The following FHOD3 variants were observed in gnomAD, a reference collection of about 807,000 sequenced individuals.
The protein encoded by FHOD3 is formin homology 2 domain containing 3, also known as FH1/FH2 domain-containing protein 3.
Under a neutral mutation model 173.0 loss-of-function variants are expected in FHOD3, and 90 were observed. The ratio of observed to expected loss-of-function variants is 0.52; its 90% CI spans 0.44 to 0.62. FHOD3 has a LOEUF of 0.62. FHOD3 is among the 20% of genes least tolerant of loss of function. FHOD3 has a pLI of 0.00. For missense variants in FHOD3, 1,945 were observed against 2,034.7 expected (o/e 0.96, Z 0.85); for synonymous variants, 828 against 823.0 (o/e 1.01, Z -0.10).
At chr18:36,352,728 T>C (rs2046190507) in intron 1 of FHOD3, among the ~76,000 whole-genome samples, 1 of 152,234 alleles carries the variant, frequency 6.6e-6, no homozygotes, top group Non-Finnish European at 1.5e-5. Flanking sequence ...GAAAAGGACA[T>C]TGTGATGGCT....
intron 5 of FHOD3, among the ~76,000 whole-genome samples, chr18:36,525,227 G>C (rs536937109): frequency 1.3e-5 from 2 of 152,276 alleles, no homozygotes; most frequent in African/African-American, 4.8e-5. Context: ...CAGTCAGAGG[G>C]GAGATTATTC....
intron 3 of FHOD3, among the ~76,000 whole-genome samples, chr18:36,425,837 ATACT>A (rs2147155088): frequency 6.6e-6 from 1 of 152,130 alleles, no homozygotes; most frequent in East Asian, 1.9e-4. Context: ...ACATAGACAC[ATACT>A]TATATGCATG....
intron 3 of FHOD3, among the ~76,000 whole-genome samples, chr18:36,392,299 C>T (rs907775779): frequency 3.9e-5 from 6 of 152,186 alleles, no homozygotes; most frequent in African/African-American, 1.4e-4. Flanking sequence ...CAATGCATAA[C>T]ACATGATGGG....
chr18:36,667,672 C>A lies in FHOD3; in HGVS notation c.1835+9484C>A, dbSNP rs112807213. Reference sequence around the variant, plus strand: ...ATGGTACATCTATGTGGGGTACTCACCATGAATGGAGCTTACAGAATTGAA... The same window carrying A: ...ATGGTACATCTATGTGGGGTACTCAACATGAATGGAGCTTACAGAATTGAA... On this transcript the variant is annotated intron_variant, in intron 14 of 28. Transcript: ENST00000590592. Among the ~76,000 whole-genome samples, 743 of 152,222 alleles carry A rather than the reference C, an allele frequency of 4.9e-3. 9 individuals carry two copies. The highest frequency in any genetic ancestry group is 0.017 in the African/African-American group (706 of 41,534).
intron 23 of FHOD3, 111 bp downstream of exon 23, chr18:36,744,304 C>G: frequency 9.9e-7 from 1 of 1,008,610 alleles, no homozygotes; most frequent in Non-Finnish European, 1.4e-6. Flanking sequence ...CAAGTGCTGC[C>G]TGCATTCTCT....
chr18:36,604,213 C>T (rs1442571688), intron 8 of FHOD3, among the ~76,000 whole-genome samples: 3 of 152,198 alleles, frequency 2.0e-5, no homozygotes, highest in African/African-American at 4.8e-5. Flanking sequence ...CTTGTACTCT[C>T]CTTACACGCT....
At chr18:36,623,043 C>G (rs982314000) in intron 9 of FHOD3, among the ~76,000 whole-genome samples, 1 of 152,314 alleles carries the variant, frequency 6.6e-6, no homozygotes, top group East Asian at 1.9e-4. Context: ...TTTTAAGTAG[C>G]TTGATGTTTT....
At chr18:36,470,678 A>C (rs533030761) in intron 3 of FHOD3, among the ~76,000 whole-genome samples, 1 of 152,336 alleles carries the variant, frequency 6.6e-6, no homozygotes, top group South Asian at 2.1e-4. Flanking sequence ...TTCCCTGGTG[A>C]GCAAAATGAT....
chr18:36,490,697 G>A (rs77412910), intron 3 of FHOD3, among the ~76,000 whole-genome samples: 11 of 152,166 alleles, frequency 7.2e-5, no homozygotes, highest in Non-Finnish European at 1.5e-4. Context: ...CATCATCTCC[G>A]CCAACTGTAA....
intron 7 of FHOD3, among the ~76,000 whole-genome samples, chr18:36,600,228 C>T (rs1325439937): frequency 1.3e-5 from 2 of 148,238 alleles, no homozygotes; most frequent in Admixed American, 1.4e-4. Context: ...TTTATGATTC[C>T]AGTACAGGAA....
chr18:36,597,806 GAAA>G (rs34629227), intron 7 of FHOD3, among the ~76,000 whole-genome samples: 1 of 123,444 alleles, frequency 8.1e-6, no homozygotes. Context: ...ACTAGCAGCT[GAAA>G]AAAAAAAAAA....
At chr18:36,611,310 T>C (rs557990329) in intron 8 of FHOD3, among the ~76,000 whole-genome samples, 61 of 152,324 alleles carry the variant, frequency 4.0e-4, no homozygotes, top group South Asian at 1.5e-3. Context: ...CCATGTATCA[T>C]CTCACAGCTT....
chr18:36,384,116 G>T (rs922524096), intron 3 of FHOD3, among the ~76,000 whole-genome samples: 1 of 152,114 alleles, frequency 6.6e-6, no homozygotes, highest in African/African-American at 2.4e-5. Context: ...AAATTGTGAG[G>T]ATTAGGCCGA....
At chr18:36,732,466 T>C (rs1396386430) in intron 20 of FHOD3, among the ~76,000 whole-genome samples, 2 of 152,168 alleles carry the variant, frequency 1.3e-5, no homozygotes, top group Admixed American at 1.3e-4. Flanking sequence ...TTCCCTGAGC[T>C]CTGGAGCCAA....
chr18:36,464,471 C>A (rs1318127631), intron 3 of FHOD3, among the ~76,000 whole-genome samples: 2 of 152,122 alleles, frequency 1.3e-5, no homozygotes, highest in East Asian at 3.9e-4. Context: ...ACTCCAGCAC[C>A]CAGGAGGCTC....
At chr18:36,425,096 G>A (rs2050170741) in intron 3 of FHOD3, among the ~76,000 whole-genome samples, 2 of 152,172 alleles carry the variant, frequency 1.3e-5, no homozygotes, top group Non-Finnish European at 2.9e-5. Flanking sequence ...AAAATTATAT[G>A]CTGAGGTTGC....
At chr18:36,573,304 A>G (rs1407524696) in intron 5 of FHOD3, among the ~76,000 whole-genome samples, 1 of 152,158 alleles carries the variant, frequency 6.6e-6, no homozygotes, top group Non-Finnish European at 1.5e-5. Flanking sequence ...CTTTGTATGC[A>G]TGAAGATTGG....
intron 1 of FHOD3, among the ~76,000 whole-genome samples, chr18:36,344,935 A>G (rs2045809758): frequency 6.6e-6 from 1 of 152,230 alleles, no homozygotes; most frequent in Non-Finnish European, 1.5e-5. Flanking sequence ...AGAGAGAAGG[A>G]GGAAATCTCA....
chr18:36,442,930 A>G (rs2051237982), intron 3 of FHOD3, among the ~76,000 whole-genome samples: 1 of 152,156 alleles, frequency 6.6e-6, no homozygotes, highest in Non-Finnish European at 1.5e-5. Flanking sequence ...ACCTTGACTC[A>G]TATGAAGAAT....
Sources: gnomAD v4.1 joint callset for allele counts (sites outside exome capture counted in the v4.1 genomes callset) on GRCh38, gnomAD v4.1.1 for gene constraint, MANE v1.5 for transcripts, NCBI Gene and HGNC (gene_info 2026-07-23, HGNC 2026-07-21) for gene names.